ANKS1B: variants seen among roughly 807,000 people sequenced by gnomAD.
ANKS1B encodes the protein ankyrin repeat and sterile alpha motif domain-containing protein 1B.
ANKS1B carries 36 observed loss-of-function variants against 148.3 expected under a neutral mutation model. The observed-to-expected ratio is 0.24, with a 90% CI of 0.19 to 0.32. The LOEUF is 0.32. Among genes scored for constraint, ANKS1B ranks in the 10% least tolerant of loss-of-function variants. The pLI, the probability that ANKS1B is intolerant of heterozygous loss-of-function variation, is 1.00. For synonymous variants in ANKS1B, 542 were observed against 560.8 expected (o/e 0.97, Z 0.47); for missense variants, 1,157 against 1,542.6 (o/e 0.75, Z 4.19).
At chr12:98,764,784 T>G (rs2098459031) in intron 25 of ANKS1B, among the ~76,000 whole-genome samples, 1 of 152,200 alleles carries the variant, frequency 6.6e-6, no homozygotes, top group African/African-American at 2.4e-5. Context: ...AGACTAAGTG[T>G]TCAGCTTCCA....
At chr12:99,233,620 T>C (rs2153954931) in intron 14 of ANKS1B, among the ~76,000 whole-genome samples, 1 of 152,320 alleles carries the variant, frequency 6.6e-6, no homozygotes, top group African/African-American at 2.4e-5. Flanking sequence ...GTAAAACTTA[T>C]GAATTAATAA....
chr12:99,333,854 G>GTTTTTTTTGTTTTT (rs35682274), intron 12 of ANKS1B, among the ~76,000 whole-genome samples: 1 of 107,484 alleles, frequency 9.3e-6, no homozygotes, highest in African/African-American at 4.0e-5. Context: ...CCAGTTCTCA[G>GTTTTTTTTGTTTTT]TTTTTTTTTT....
intron 24 of ANKS1B, among the ~76,000 whole-genome samples, chr12:98,776,227 G>A (rs1448557408): frequency 6.6e-6 from 1 of 152,210 alleles, no homozygotes; most frequent in Admixed American, 6.5e-5. Flanking sequence ...CTTCCTCCTT[G>A]GAGAAGAAGC....
At chr12:99,245,911 A>C (rs950765930) in intron 13 of ANKS1B, among the ~76,000 whole-genome samples, 8 of 152,190 alleles carry the variant, frequency 5.3e-5, no homozygotes, top group Non-Finnish European at 1.0e-4. Context: ...CAAACTAACA[A>C]AGAGTTTGGC....
intron 16 of ANKS1B, among the ~76,000 whole-genome samples, chr12:99,077,030 C>T (rs566861675): frequency 1.8e-4 from 28 of 151,524 alleles, no homozygotes; most frequent in East Asian, 5.8e-4. Flanking sequence ...TTTGCACCCC[C>T]GGCAAAAAAA....
At chr12:99,729,580 G>A (rs1343847171) in intron 8 of ANKS1B, among the ~76,000 whole-genome samples, 1 of 151,766 alleles carries the variant, frequency 6.6e-6, no homozygotes, top group African/African-American at 2.4e-5. Flanking sequence ...GTTTCCTTTA[G>A]TTCTTTGAAC....
At chr12:99,059,777 A>G (rs2041702953) in intron 16 of ANKS1B, among the ~76,000 whole-genome samples, 1 of 147,690 alleles carries the variant, frequency 6.8e-6, no homozygotes, top group Admixed American at 6.8e-5. Flanking sequence ...CCCAAAGACA[A>G]AACTAAAATT....
chr12:99,026,037 G>T lies in ANKS1B; in HGVS notation c.2778+27120C>A, dbSNP rs1311261452. On this transcript the variant is annotated intron_variant, in intron 17 of 26. Transcript: ENST00000683438. ...AAACACACAAAGAAATAAATTCTGA[G>T]AATGTAATTCCAGTTTAGCTAGGTT... Among the ~76,000 whole-genome samples, 3 of 152,190 alleles carry T rather than the reference G, an allele frequency of 2.0e-5. No individual in the cohort carries two copies. The East Asian group carries it at 5.8e-4, about 29-fold the overall frequency.
chr12:99,122,521 A>T (rs1566231722), intron 15 of ANKS1B, among the ~76,000 whole-genome samples: 1 of 152,200 alleles, frequency 6.6e-6, no homozygotes, highest in Non-Finnish European at 1.5e-5. Context: ...TAACTAATAC[A>T]ATTCCCTTCT....
rs771544427 is a variant in ANKS1B at position 99,779,862 on chromosome 12, A to G, written c.847+9T>C. 18 of 1,596,564 alleles carry G rather than the reference A, an allele frequency of 1.1e-5. No homozygotes were observed. In the African/African-American group the frequency reaches 2.4e-4, roughly 21 times the overall value. On this transcript the variant is annotated intron_variant, in intron 6 of 26. Coordinates refer to ENST00000683438, the MANE Select transcript of ANKS1B (RefSeq NM_001352186.2). ...AAGGCAAACTCATCCATCATTCAAT[A>G]CTGTTTACCTTGTAAGAGTGTTGCA... is the stretch of plus-strand genomic sequence containing the variant.
At chr12:99,033,201 C>T (rs181691595) in intron 17 of ANKS1B, among the ~76,000 whole-genome samples, 2 of 152,328 alleles carry the variant, frequency 1.3e-5, no homozygotes, top group East Asian at 3.9e-4. Flanking sequence ...GCATAAAAGT[C>T]TCCTAAGTTA....
intron 9 of ANKS1B, among the ~76,000 whole-genome samples, chr12:99,534,993 G>A (rs1360175633): frequency 2.0e-5 from 3 of 152,052 alleles, no homozygotes; most frequent in African/African-American, 7.2e-5. Context: ...ACAGGCATGA[G>A]CCACCGCGCC....
rs919776186 is a variant in ANKS1B at position 99,688,635 on chromosome 12, G to A, written c.1129-33425C>T. ...GAAGATCACTTGAGGCCAGGAGTTC[G>A]AGACCAGCCTGGGCAACATAACAAG... On this transcript the variant is annotated intron_variant, in intron 8 of 26. Transcript: ENST00000683438. Among the ~76,000 whole-genome samples, 3 of 152,148 alleles carry A rather than the reference G, an allele frequency of 2.0e-5. No homozygotes were observed. In the East Asian group the frequency reaches 5.8e-4, roughly 29 times the overall value.
At chr12:98,797,760 T>C (rs967135347) in intron 22 of ANKS1B, among the ~76,000 whole-genome samples, 6 of 152,212 alleles carry the variant, frequency 3.9e-5, no homozygotes, top group Admixed American at 3.9e-4. Context: ...ACAATGGATA[T>C]TTCATGTTTA....
intron 9 of ANKS1B, among the ~76,000 whole-genome samples, chr12:99,531,208 A>G (rs758664725): frequency 3.9e-5 from 6 of 152,218 alleles, no homozygotes; most frequent in Non-Finnish European, 5.9e-5. Context: ...CTCATGACAC[A>G]TTAGCTTTTC....
chr12:99,573,527 T>C (rs1355796349), intron 9 of ANKS1B, among the ~76,000 whole-genome samples: 2 of 152,100 alleles, frequency 1.3e-5, no homozygotes, highest in East Asian at 3.8e-4. Context: ...TCTCTCTTTA[T>C]TGTATGTATC....
chr12:99,959,840 C>T (rs1018550467), intron 1 of ANKS1B, among the ~76,000 whole-genome samples: 3 of 152,100 alleles, frequency 2.0e-5, no homozygotes, highest in African/African-American at 7.2e-5. Context: ...TAGTGAAGAG[C>T]TTATTATAAA....
rs2094541257 is a variant in ANKS1B at position 99,406,773 on chromosome 12, A to T, written c.1576-6962T>A. Among the ~76,000 whole-genome samples the T allele has an allele frequency of 2.1e-5, 3 of 145,906 alleles. 1 individual carries two copies. The highest frequency in any genetic ancestry group is 2.0e-4 in the Admixed American group (3 of 14,722). ...ATAAAATTGACAAACCTTTAGCCAG[A>T]TTAAGAAAAGAGAGATAAGCCTCAA... On this transcript the variant is annotated intron_variant, in intron 11 of 26. Transcript: ENST00000683438.
chr12:99,331,787 T>C (rs986375338), intron 12 of ANKS1B, among the ~76,000 whole-genome samples: 8 of 151,956 alleles, frequency 5.3e-5, no homozygotes, highest in African/African-American at 1.9e-4. Context: ...ACTAAATTTA[T>C]GGAAAGCAGA....
Sources: allele counts gnomAD v4.1 joint callset (sites outside exome capture counted in the v4.1 genomes callset), GRCh38; gene constraint gnomAD v4.1.1; transcripts MANE v1.5; gene names NCBI Gene and HGNC (gene_info 2026-07-23, HGNC 2026-07-21).